The following MARCHF1 variants were observed in gnomAD, a reference collection of about 807,000 sequenced individuals.
MARCHF1 encodes membrane associated ring-CH-type finger 1.
Under a neutral mutation model 54.2 loss-of-function variants are expected in MARCHF1, and 40 were observed. The ratio of observed to expected loss-of-function variants is 0.74; its 90% confidence interval spans 0.57 to 0.96. MARCHF1 has a LOEUF of 0.96. Ranked by LOEUF, MARCHF1 falls within the 40% of genes least tolerant of loss-of-function variation. The pLI is 0.00. For missense variants in MARCHF1, 586 were observed against 656.5 expected, an observed-to-expected ratio of 0.89 and a Z score of 1.17; for synonymous variants, 236 against 236.3, an observed-to-expected ratio of 1.00 and a Z score of 0.01.
intron 5 of MARCHF1, among the ~76,000 whole-genome samples, chr4:163,631,160 T>A (rs1742063062): frequency 6.6e-6 from 1 of 152,114 alleles, no homozygotes; most frequent in Non-Finnish European, 1.5e-5. Context: ...ATAAAATATA[T>A]TTATGAAGAT....
At chr4:163,621,437 G>C (rs1041640193) in intron 5 of MARCHF1, among the ~76,000 whole-genome samples, 12 of 152,126 alleles carry the variant, frequency 7.9e-5, no homozygotes, top group African/African-American at 2.9e-4. Flanking sequence ...CCCATCCAGA[G>C]TTAGAAACCA....
At chr4:164,195,472 TA>T (rs1731230035) in intron 1 of MARCHF1, among the ~76,000 whole-genome samples, 1 of 152,184 alleles carries the variant, frequency 6.6e-6, no homozygotes, top group African/African-American at 2.4e-5. Context: ...TCACGTTCTC[TA>T]GGATCTTTTT....
At chr4:164,138,018 G>A (rs949088912) in intron 1 of MARCHF1, among the ~76,000 whole-genome samples, 3 of 152,120 alleles carry the variant, frequency 2.0e-5, no homozygotes, top group African/African-American at 7.2e-5. Context: ...TCTTCCAGGT[G>A]TTTCTCACTG....
chr4:163,895,405 A>C (rs929579690), intron 3 of MARCHF1, among the ~76,000 whole-genome samples: 7 of 152,174 alleles, frequency 4.6e-5, no homozygotes, highest in Admixed American at 2.0e-4. Flanking sequence ...GAACTGGCTG[A>C]AAGGATGATG....
chr4:163,928,632 T>G (rs1256172665), intron 3 of MARCHF1, among the ~76,000 whole-genome samples: 1 of 151,938 alleles, frequency 6.6e-6, no homozygotes. Context: ...GAAATGGCAT[T>G]TCAATCAAGT....
At chr4:164,240,739 G>GA (rs1732717388) in intron 1 of MARCHF1, among the ~76,000 whole-genome samples, 1 of 152,048 alleles carries the variant, frequency 6.6e-6, no homozygotes, top group South Asian at 2.1e-4. Context: ...CTGACTATGG[G>GA]AAAAATTTAG....
intron 2 of MARCHF1, among the ~76,000 whole-genome samples, chr4:164,030,844 T>A (rs1753861875): frequency 6.6e-6 from 1 of 152,136 alleles, no homozygotes; most frequent in African/African-American, 2.4e-5. Context: ...GAGTGGTGGA[T>A]TGAAAATGCA....
rs568409210 is a variant in MARCHF1 at position 164,225,471 on chromosome 4, T to C, written c.-322-113809A>G. On this transcript the variant is annotated intron_variant, in intron 1 of 9. Coordinates refer to ENST00000514618, the MANE Select transcript of MARCHF1 (RefSeq NM_001394959.1). The stretch of plus-strand genomic sequence containing the variant: ...GGGGTTGAGGGGAGATAACTGAAAT[T>C]GAAGATAGTAAACATGGAAAAAACT... 3.3e-5 allele frequency among the ~76,000 whole-genome samples: 5 copies of C among 152,108 alleles called. No individual in the cohort carries two copies. The East Asian group carries it at 9.7e-4, about 29-fold the overall frequency.
intron 5 of MARCHF1, among the ~76,000 whole-genome samples, chr4:163,619,953 A>G (rs1222375685): frequency 6.6e-6 from 1 of 152,192 alleles, no homozygotes; most frequent in East Asian, 1.9e-4. Context: ...ACATACACCC[A>G]TATACCAAAA....
At chr4:164,314,977 C>T (rs1734958171) in intron 1 of MARCHF1, among the ~76,000 whole-genome samples, 2 of 152,086 alleles carry the variant, frequency 1.3e-5, no homozygotes, top group South Asian at 4.1e-4. Flanking sequence ...AACAACATTC[C>T]GAAATGATTT....
In MARCHF1 at chr4:163,806,519, G is replaced by A. The variant is rs575824530; in HGVS notation, c.111+47502C>T. Among the ~76,000 whole-genome samples, 170 of 152,228 alleles carry A rather than the reference G, an allele frequency of 1.1e-3. 4 individuals are homozygous for A. The highest frequency in any genetic ancestry group is 3.4e-4 in the Non-Finnish European group (23 of 68,020). On this transcript the variant is annotated intron_variant, in intron 4 of 9. Transcript: ENST00000514618. ...GGCTCCAGTGGGGGCTGCTAATACT[G>A]GTACCCATCTCTCACCTTGGCCACT... is the stretch of plus-strand genomic sequence containing the variant.
chr4:164,184,860 G>A (rs1032497757), intron 1 of MARCHF1, among the ~76,000 whole-genome samples: 1 of 152,172 alleles, frequency 6.6e-6, no homozygotes, highest in African/African-American at 2.4e-5. Context: ...AGAGTATGTT[G>A]TCTAAAAATA....
intron 1 of MARCHF1, among the ~76,000 whole-genome samples, chr4:164,277,213 A>C (rs1733910532): frequency 6.6e-6 from 1 of 152,112 alleles, no homozygotes; most frequent in Non-Finnish European, 1.5e-5. Flanking sequence ...TATAAGCTGC[A>C]AGAGGACAGG....
intron 2 of MARCHF1, among the ~76,000 whole-genome samples, chr4:164,010,792 A>C (rs1753404660): frequency 6.6e-6 from 1 of 152,186 alleles, no homozygotes; most frequent in Non-Finnish European, 1.5e-5. Flanking sequence ...AGCACAAAAG[A>C]CACCAAATAG....
chr4:164,198,882 A>G (rs894436559), intron 1 of MARCHF1, among the ~76,000 whole-genome samples: 36 of 152,258 alleles, frequency 2.4e-4, no homozygotes, highest in African/African-American at 8.7e-4. Flanking sequence ...AACTCTTACT[A>G]TAAGAATATG....
chr4:164,290,760 G>C (rs533313897), intron 1 of MARCHF1, among the ~76,000 whole-genome samples: 7 of 151,918 alleles, frequency 4.6e-5, no homozygotes, highest in African/African-American at 1.7e-4. Context: ...TGAAAGATAA[G>C]AATTTATTTT....
chr4:164,172,688 TCACTACAGGCTGGGC>T (rs1579593387), intron 1 of MARCHF1, among the ~76,000 whole-genome samples: 1 of 152,154 alleles, frequency 6.6e-6, no homozygotes, highest in African/African-American at 2.4e-5. Flanking sequence ...TTTAAAAAAG[TCACTACAGGCTGGGC>T]GCGGTGGCTC....
intron 1 of MARCHF1, among the ~76,000 whole-genome samples, chr4:164,243,589 T>C (rs1732844741): frequency 6.6e-6 from 1 of 151,234 alleles, no homozygotes; most frequent in African/African-American, 2.4e-5. Context: ...CATGACAGGA[T>C]CAAATTCACA....
intron 4 of MARCHF1, among the ~76,000 whole-genome samples, chr4:163,778,271 G>A (rs1747361197): frequency 6.6e-6 from 1 of 151,874 alleles, no homozygotes; most frequent in South Asian, 2.1e-4. Context: ...ATTTCACTTG[G>A]GTAAATACCT....
Sources: gnomAD v4.1 joint callset for allele counts (sites outside exome capture counted in the v4.1 genomes callset) on GRCh38, gnomAD v4.1.1 for gene constraint, MANE v1.5 for transcripts, NCBI Gene and HGNC (gene_info 2026-07-23, HGNC 2026-07-21) for gene names.